The following TBCA variants were observed in gnomAD, a reference collection of about 807,000 sequenced individuals.
TBCA encodes tubulin-specific chaperone A.
TBCA carries 6 observed loss-of-function variants against 15.8 expected under a neutral mutation model. The ratio of observed to expected loss-of-function variants is 0.38; its 90% confidence interval spans 0.21 to 0.75. The LOEUF (loss-of-function observed/expected upper bound fraction) is 0.75, where lower values mean the gene tolerates loss of function less well. Ranked by LOEUF, TBCA falls within the 30% of genes least tolerant of loss-of-function variation. The pLI, the probability that TBCA is intolerant of heterozygous loss-of-function variation, is 0.46. For synonymous variants in TBCA, 32 were observed against 42.3 expected (o/e 0.76, Z 0.94); for missense variants, 90 against 131.2 (o/e 0.69, Z 1.53).
intron 1 of TBCA, among the ~76,000 whole-genome samples, chr5:77,723,726 T>C (rs1297750138): frequency 6.6e-6 from 1 of 152,020 alleles, no homozygotes; most frequent in Non-Finnish European, 1.5e-5. Flanking sequence ...TCATTTATGT[T>C]ATATGCTGTG....
Position 77,725,842 on chromosome 5 carries a change from G to A in TBCA, c.54-17495C>T, listed in dbSNP as rs555312819. Among the ~76,000 whole-genome samples, 5 of 151,860 alleles carry A rather than the reference G, an allele frequency of 3.3e-5. No individual in the cohort carries two copies. In the East Asian group the frequency reaches 5.9e-4, roughly 18 times the overall value. On this transcript the variant is annotated intron_variant, in intron 1 of 3. Transcript: ENST00000380377. ...TATATTGCAGATACAGTTGTGTTTCGTAATGCCGTCTTTGGAATGCAAATA... is the reference window on the plus strand; with the variant it reads ...TATATTGCAGATACAGTTGTGTTTCATAATGCCGTCTTTGGAATGCAAATA...
chr5:77,771,700 C>G (rs1293668821), intron 1 of TBCA, among the ~76,000 whole-genome samples: 1 of 152,214 alleles, frequency 6.6e-6, no homozygotes, highest in Non-Finnish European at 1.5e-5. Flanking sequence ...CCATCATCTA[C>G]TTATTGCCTG....
chr5:77,750,308 A>G (rs1048586241), intron 1 of TBCA, among the ~76,000 whole-genome samples: 1 of 152,156 alleles, frequency 6.6e-6, no homozygotes, highest in Non-Finnish European at 1.5e-5. Context: ...GGAGTAAGAC[A>G]CTGTTTCTGT....
chr5:77,775,533 C>T (rs1748000307), intron 1 of TBCA, among the ~76,000 whole-genome samples: 1 of 152,336 alleles, frequency 6.6e-6, no homozygotes, highest in Admixed American at 6.5e-5. Flanking sequence ...GCAAAATAAA[C>T]ATTCCAAATT....
chr5:77,774,265 T>C (rs192821733), intron 1 of TBCA, among the ~76,000 whole-genome samples: 22 of 152,342 alleles, frequency 1.4e-4, no homozygotes, highest in African/African-American at 4.3e-4. Flanking sequence ...TCTTTACATA[T>C]TTTGAATTGG....
chr5:77,751,186 A>C (rs1747327004), intron 1 of TBCA, among the ~76,000 whole-genome samples: 1 of 115,000 alleles, frequency 8.7e-6, no homozygotes, highest in Admixed American at 1.1e-4. Flanking sequence ...TTTTTTTGAG[A>C]CACAGTTTCG....
At chr5:77,705,432 G>T in intron 2 of TBCA, 1 of 391,762 alleles carries the variant, frequency 2.6e-6, no homozygotes, top group South Asian at 1.4e-4. Flanking sequence ...AACAATAGAA[G>T]ACTTAAGAGT....
At chr5:77,771,536 C>G (rs754904655) in intron 1 of TBCA, among the ~76,000 whole-genome samples, 16 of 152,194 alleles carry the variant, frequency 1.1e-4, no homozygotes, top group Non-Finnish European at 1.9e-4. Flanking sequence ...CCGTAAACCT[C>G]CGGCCTATTT....
rs1746948324 is a variant in TBCA, at chr5:77,737,992, A to G, written c.54-29645T>C. On this transcript the variant is annotated intron_variant, in intron 1 of 3. Coordinates refer to ENST00000380377, the MANE Select transcript of TBCA (RefSeq NM_004607.3). ...TGGTGCAGTAGTAAAGCCTTTGAAC[A>G]TTTCATTTACCTTACCAACAAGAAA... is the stretch of plus-strand genomic sequence containing the variant. Among the ~76,000 whole-genome samples the G allele has an allele frequency of 5.3e-5, 8 of 152,308 alleles. 1 individual carries two copies. In the South Asian group the frequency reaches 1.5e-3, roughly 28 times the overall value.
intron 1 of TBCA, among the ~76,000 whole-genome samples, chr5:77,727,282 C>T (rs772023049): frequency 2.1e-4 from 32 of 149,938 alleles, no homozygotes; most frequent in Middle Eastern, 3.4e-3. Context: ...GGAGGAGCCA[C>T]TTTAAGTTTT....
chr5:77,715,629 T>C (rs1002122976), intron 1 of TBCA, among the ~76,000 whole-genome samples: 1 of 152,114 alleles, frequency 6.6e-6, no homozygotes, highest in African/African-American at 2.4e-5. Context: ...ATGAAGCAAT[T>C]GGTGAAAAAG....
At chr5:77,755,561 G>C (rs574220151) in intron 1 of TBCA, among the ~76,000 whole-genome samples, 1 of 151,850 alleles carries the variant, frequency 6.6e-6, no homozygotes, top group African/African-American at 2.4e-5. Context: ...GGCACAGAGC[G>C]AGACTCCATC....
chr5:77,713,900 A>G (rs1746337490), intron 1 of TBCA, among the ~76,000 whole-genome samples: 2 of 129,838 alleles, frequency 1.5e-5, no homozygotes, highest in South Asian at 5.1e-4. Flanking sequence ...AAAGCAAGTA[A>G]AGATTTTTTT....
chr5:77,731,015 T>C (rs769835849), intron 1 of TBCA, among the ~76,000 whole-genome samples: 1 of 152,166 alleles, frequency 6.6e-6, no homozygotes, highest in Non-Finnish European at 1.5e-5. Context: ...GAGATGAACA[T>C]CATTGTACAT....
At chr5:77,760,363 T>C (rs1170567023) in intron 1 of TBCA, among the ~76,000 whole-genome samples, 2 of 152,230 alleles carry the variant, frequency 1.3e-5, no homozygotes, top group South Asian at 2.1e-4. Flanking sequence ...CAATTAATAC[T>C]CTACGGCCCT....
intron 1 of TBCA, among the ~76,000 whole-genome samples, chr5:77,744,092 T>C (rs1424768435): frequency 6.6e-6 from 1 of 152,170 alleles, no homozygotes; most frequent in Non-Finnish European, 1.5e-5. Context: ...ACATACATTT[T>C]ATTGCCTCCC....
At chr5:77,716,031 A>G (rs893847890) in intron 1 of TBCA, among the ~76,000 whole-genome samples, 3 of 152,156 alleles carry the variant, frequency 2.0e-5, no homozygotes, top group African/African-American at 7.2e-5. Flanking sequence ...GCCTTATATG[A>G]ACAGACCTTT....
chr5:77,693,941 G>A (rs1466098665), intron 2 of TBCA, among the ~76,000 whole-genome samples: 2 of 151,630 alleles, frequency 1.3e-5, no homozygotes, highest in African/African-American at 4.8e-5. Context: ...GCTTTTCATA[G>A]AGCATTTATT....
intron 1 of TBCA, among the ~76,000 whole-genome samples, chr5:77,750,971 G>C (rs1240350753): frequency 1.3e-5 from 2 of 152,038 alleles, no homozygotes; most frequent in Non-Finnish European, 2.9e-5. Flanking sequence ...GGAGTGTCTG[G>C]GTTAAGATAA....
Sources: allele counts gnomAD v4.1 joint callset (sites outside exome capture counted in the v4.1 genomes callset), GRCh38; gene constraint gnomAD v4.1.1; transcripts MANE v1.5; gene names NCBI Gene and HGNC (gene_info 2026-07-23, HGNC 2026-07-21).